The following NMBR variants were observed in gnomAD, a reference collection of about 807,000 sequenced individuals.
NMBR encodes neuromedin-B receptor.
Under a neutral mutation model 20.5 loss-of-function variants are expected in NMBR, and 16 were observed. That is an observed-to-expected ratio of 0.78 (90% CI 0.53 to 1.19). The LOEUF is 1.19. Among genes scored for constraint, NMBR ranks in the 50% most tolerant of loss-of-function variants. The pLI is 0.00. For synonymous variants in NMBR, 212 were observed against 196.6 expected, an observed-to-expected ratio of 1.08 and a Z score of -0.65; for missense variants, 582 against 499.1, an observed-to-expected ratio of 1.17 and a Z score of -1.58.
At chr6:142,093,562 T>C (rs1380070734) in intron 1 of NMBR, among the ~76,000 whole-genome samples, 4 of 152,054 alleles carry the variant, frequency 2.6e-5, no homozygotes, top group African/African-American at 9.7e-5. Flanking sequence ...TTGTTGGACA[T>C]TTGGGTTGGT....
At chr6:142,104,191 T>C (rs1360676182) in intron 1 of NMBR, among the ~76,000 whole-genome samples, 2 of 152,188 alleles carry the variant, frequency 1.3e-5, no homozygotes, top group Non-Finnish European at 1.5e-5. Context: ...ATGGTCATAG[T>C]TAAAGACACA....
At chr6:142,103,307 G>A (rs1777598889) in intron 1 of NMBR, among the ~76,000 whole-genome samples, 1 of 152,132 alleles carries the variant, frequency 6.6e-6, no homozygotes, top group Admixed American at 6.6e-5. Flanking sequence ...CCTTTTGTAT[G>A]TTAAAGCTTT....
At chr6:142,097,002 T>A (rs1196628421) in intron 1 of NMBR, among the ~76,000 whole-genome samples, 1 of 152,040 alleles carries the variant, frequency 6.6e-6, no homozygotes. Flanking sequence ...AACCCCTGCC[T>A]TTTTTTGTTT....
chr6:142,091,809 G>T (rs1255729733), intron 1 of NMBR, among the ~76,000 whole-genome samples: 1 of 152,076 alleles, frequency 6.6e-6, no homozygotes, highest in Non-Finnish European at 1.5e-5. Context: ...TTAATCCTGA[G>T]TATTTGATGT....
rs370598603 is a variant in NMBR, at chr6:142,112,066, C to T, written c.-663-22745G>A. On this transcript the variant is annotated intron_variant, in intron 1 of 3. Transcript: ENST00000258042. Reference sequence around the variant, plus strand: ...TTTTCTGGCTGGGTGCAGTGGGTCACGCCTGTAATCCCAACATTTTGGGAG... The same window carrying T: ...TTTTCTGGCTGGGTGCAGTGGGTCATGCCTGTAATCCCAACATTTTGGGAG... Among the ~76,000 whole-genome samples the T allele has an allele frequency of 2.2e-4, 33 of 152,212 alleles. No homozygotes were observed. In the East Asian group the frequency reaches 5.6e-3, roughly 26 times the overall value.
rs758884615 is a variant in NMBR, at chr6:142,088,320, CT to C, written c.338del (p.Lys113ArgfsTer6). 1.7e-5 allele frequency: 28 copies of C among 1,614,022 alleles called. No homozygotes were observed. The highest frequency in any genetic ancestry group is 2.4e-5 in the Non-Finnish European group (28 of 1,180,028). On this transcript the variant is annotated frameshift_variant, in exon 2 of 4. Transcript: ENST00000258042. LOFTEE classifies it high-confidence loss of function. The part of the protein sequence containing the change: ...RYFFDEWMFG[K>X]VGCKLIPVIQ... Reference sequence around the variant, plus strand: ...TGACAGGGATCAGTTTGCAGCCCACCTTGCCAAACATCCACTCGTCGAAGAA... The same window carrying C: ...TGACAGGGATCAGTTTGCAGCCCACCTGCCAAACATCCACTCGTCGAAGAA...
At chr6:142,126,872 T>C (rs540762361) in intron 1 of NMBR, among the ~76,000 whole-genome samples, 1 of 150,650 alleles carries the variant, frequency 6.6e-6, no homozygotes, top group East Asian at 2.0e-4. Flanking sequence ...AATCTGTAGG[T>C]TGCTCATTCA....
chr6:142,097,879 T>G (rs1777487678), intron 1 of NMBR, among the ~76,000 whole-genome samples: 1 of 151,858 alleles, frequency 6.6e-6, no homozygotes, highest in Admixed American at 6.6e-5. Context: ...TACATTAAAT[T>G]TTACAGAAGA....
In NMBR at chr6:142,088,333, C is replaced by A. The variant is rs1426253480; in HGVS notation, c.326G>T (p.Trp109Leu). The A allele has an allele frequency of 1.2e-6, 2 of 1,614,154 alleles. No homozygotes were observed. Among genetic ancestry groups the A allele is most frequent in the East Asian group, 2.2e-5 (1 of 44,870 alleles). Residue 109 changes from tryptophan to leucine, a missense_variant, in exon 2 of 4, where the codon TGG becomes TTG. Physicochemically the swap from Trp to Leu is moderately conservative, Grantham distance 61 (BLOSUM62 -2). Coordinates refer to ENST00000258042, the MANE Select transcript of NMBR (RefSeq NM_002511.4). Reference protein sequence around the residue: ...VDASRYFFDEWMFGKVGCKLI... With the variant: ...VDASRYFFDELMFGKVGCKLI... ...TTTGCAGCCCACCTTGCCAAACATC[C>A]ACTCGTCGAAGAAGTAGCGCGAGGC...
chr6:142,118,925 C>T (rs1434073478), intron 1 of NMBR, among the ~76,000 whole-genome samples: 1 of 151,968 alleles, frequency 6.6e-6, no homozygotes, highest in Non-Finnish European at 1.5e-5. Flanking sequence ...ATAATAAGCT[C>T]TCTGCAGAAA....
At chr6:142,103,583 T>G (rs1777603984) in intron 1 of NMBR, among the ~76,000 whole-genome samples, 1 of 152,190 alleles carries the variant, frequency 6.6e-6, no homozygotes, top group African/African-American at 2.4e-5. Flanking sequence ...GGACTCAGGA[T>G]GAGGTGGCTG....
chr6:142,109,810 A>G (rs1448030003), intron 1 of NMBR, among the ~76,000 whole-genome samples: 1 of 152,062 alleles, frequency 6.6e-6, no homozygotes, highest in African/African-American at 2.4e-5. Flanking sequence ...AAACCTTATG[A>G]ATGGGATTGA....
intron 1 of NMBR, among the ~76,000 whole-genome samples, chr6:142,103,811 T>C (rs1303002457): frequency 1.3e-5 from 2 of 152,218 alleles, no homozygotes; most frequent in Non-Finnish European, 2.9e-5. Context: ...AGTTAATTTT[T>C]TGCCCTGCTT....
At chr6:142,108,899 TAAA>T (rs1777709044) in intron 1 of NMBR, among the ~76,000 whole-genome samples, 1 of 152,190 alleles carries the variant, frequency 6.6e-6, no homozygotes, top group East Asian at 1.9e-4. Context: ...TATGAACCTG[TAAA>T]ATCAAAAGCA....
intron 1 of NMBR, among the ~76,000 whole-genome samples, chr6:142,116,271 A>G (rs1777853360): frequency 6.6e-6 from 1 of 151,808 alleles, no homozygotes; most frequent in Non-Finnish European, 1.5e-5. Context: ...TAGTCTCCCA[A>G]AAAGATACCC....
At chr6:142,108,479 A>G (rs1582850673) in intron 1 of NMBR, among the ~76,000 whole-genome samples, 5 of 152,224 alleles carry the variant, frequency 3.3e-5, no homozygotes, top group African/African-American at 9.6e-5. Flanking sequence ...GGGAGGCCTC[A>G]GGAAACTTAC....
intron 1 of NMBR, among the ~76,000 whole-genome samples, chr6:142,098,414 TTATC>T (rs987106629): frequency 3.3e-5 from 5 of 152,158 alleles, no homozygotes; most frequent in African/African-American, 1.2e-4. Context: ...AATAACATGA[TTATC>T]TATTAGAAAA....
At chr6:142,125,761 G>A (rs964136189) in intron 1 of NMBR, among the ~76,000 whole-genome samples, 9 of 151,806 alleles carry the variant, frequency 5.9e-5, no homozygotes, top group Non-Finnish European at 1.2e-4. Flanking sequence ...TATTTAAGGT[G>A]TACAACTTCA....
intron 3 of NMBR, 95 bp downstream of exon 3, chr6:142,078,460 C>T (rs992745244): frequency 2.9e-6 from 2 of 696,194 alleles, no homozygotes; most frequent in East Asian, 2.7e-5. Flanking sequence ...ACTCTGTTCT[C>T]CTCAGTCATA....
Sources: allele counts gnomAD v4.1 joint callset (sites outside exome capture counted in the v4.1 genomes callset), GRCh38; gene constraint gnomAD v4.1.1; transcripts MANE v1.5; gene names NCBI Gene and HGNC (gene_info 2026-07-23, HGNC 2026-07-21).